ERC1: variants seen among roughly 807,000 people sequenced by gnomAD.
ERC1 encodes the protein ELKS/RAB6-interacting/CAST family member 1.
ERC1 carries 56 observed loss-of-function variants against 132.0 expected under a neutral mutation model. That is an observed-to-expected ratio of 0.42 (90% CI 0.34 to 0.53). ERC1 has a LOEUF of 0.53. ERC1 is among the 20% of genes least tolerant of loss of function. The pLI, the probability that ERC1 is intolerant of heterozygous loss-of-function variation, is 0.03. For missense variants in ERC1, 1,202 were observed against 1,349.9 expected (o/e 0.89, Z 1.72); for synonymous variants, 478 against 476.1 (o/e 1.00, Z -0.05).
intron 15 of ERC1, among the ~76,000 whole-genome samples, chr12:1,304,529 A>T (rs1184168450): frequency 2.0e-5 from 3 of 152,228 alleles, no homozygotes; most frequent in Admixed American, 2.0e-4. Flanking sequence ...GGCAAGATAC[A>T]TGAAAAACAG....
intron 17 of ERC1, among the ~76,000 whole-genome samples, chr12:1,439,338 C>T (rs1230310146): frequency 6.6e-6 from 1 of 152,178 alleles, no homozygotes; most frequent in Non-Finnish European, 1.5e-5. Flanking sequence ...AGTTATCCAA[C>T]CTCACTGAAG....
intron 15 of ERC1, among the ~76,000 whole-genome samples, chr12:1,291,970 T>G (rs1341212310): frequency 6.6e-6 from 1 of 152,164 alleles, no homozygotes; most frequent in Non-Finnish European, 1.5e-5. Context: ...ACTTTTATGT[T>G]AGCGTTTTTC....
intron 16 of ERC1, among the ~76,000 whole-genome samples, chr12:1,392,325 G>C (rs1414820327): frequency 6.6e-6 from 1 of 152,214 alleles, no homozygotes; most frequent in Non-Finnish European, 1.5e-5. Flanking sequence ...GGCCTCAAGG[G>C]TGGGGATTTA....
intron 15 of ERC1, among the ~76,000 whole-genome samples, chr12:1,360,709 A>C (rs972121891): frequency 6.6e-6 from 1 of 152,210 alleles, no homozygotes; most frequent in Non-Finnish European, 1.5e-5. Context: ...TCCCTGAAGA[A>C]TATATCTTTC....
intron 15 of ERC1, among the ~76,000 whole-genome samples, chr12:1,305,409 TA>T (rs2080802958): frequency 2.6e-5 from 4 of 152,204 alleles, no homozygotes. Flanking sequence ...TGACTTTCTT[TA>T]ACTTTATGCA....
chr12:1,044,282 TTTTG>T lies in ERC1; in HGVS notation c.669+15714_669+15717del, dbSNP rs1346906054. 2.6e-5 allele frequency among the ~76,000 whole-genome samples: 4 copies of T among 152,244 alleles called. No individual in the cohort carries two copies. In the East Asian group the frequency reaches 7.7e-4, roughly 29 times the overall value. Reference sequence around the variant, plus strand: ...GAGTCTTTCTTCTGAAATTACTTGATTTTGTTTTTGTCAGTTATCCTAGTGGAAT... The same window carrying T: ...GAGTCTTTCTTCTGAAATTACTTGATTTTTTGTCAGTTATCCTAGTGGAAT... On this transcript the variant is annotated intron_variant, in intron 2 of 18. Coordinates refer to ENST00000360905, the MANE Select transcript of ERC1 (RefSeq NM_178040.4).
chr12:1,440,350 G>T lies in ERC1; in HGVS notation c.3025-4212G>T, dbSNP rs540223711. On this transcript the variant is annotated intron_variant, in intron 17 of 18. Transcript: ENST00000360905. ...CTCCCGAGTAGCTGGGACTACAGACGCCCGCCACCACGCCCGGCTAATTTT... is the reference window on the plus strand; with the variant it reads ...CTCCCGAGTAGCTGGGACTACAGACTCCCGCCACCACGCCCGGCTAATTTT... Among the ~76,000 whole-genome samples the T allele has an allele frequency of 1.5e-4, 23 of 149,178 alleles. 1 individual carries two copies. The highest frequency in any genetic ancestry group is 5.5e-4 in the African/African-American group (22 of 40,144).
chr12:1,378,360 T>C (rs1189724300), intron 16 of ERC1, among the ~76,000 whole-genome samples: 2 of 152,214 alleles, frequency 1.3e-5, no homozygotes, highest in Admixed American at 6.5e-5. Context: ...TGAGTTGTTT[T>C]TGAACGAAGC....
At chr12:1,354,058 T>C (rs961167117) in intron 15 of ERC1, among the ~76,000 whole-genome samples, 6 of 150,638 alleles carry the variant, frequency 4.0e-5, no homozygotes, top group Non-Finnish European at 7.4e-5. Context: ...CCGCCTCTTA[T>C]CTTGGTGGTC....
intron 2 of ERC1, among the ~76,000 whole-genome samples, chr12:1,057,585 GTTTTTT>G (rs59761885): frequency 1.3e-4 from 6 of 47,696 alleles, no homozygotes; most frequent in African/African-American, 2.2e-4. Flanking sequence ...GATGCGCATG[GTTTTTT>G]TTTTTTTTTT....
intron 2 of ERC1, among the ~76,000 whole-genome samples, chr12:1,078,790 A>G (rs1941732753): frequency 6.6e-6 from 1 of 152,190 alleles, no homozygotes; most frequent in Admixed American, 6.5e-5. Context: ...ATATACAAAG[A>G]CACAGATAGA....
chr12:1,121,421 G>A (rs1947069850), intron 7 of ERC1, among the ~76,000 whole-genome samples: 1 of 152,214 alleles, frequency 6.6e-6, no homozygotes, highest in Non-Finnish European at 1.5e-5. Flanking sequence ...AAGAAAGATG[G>A]GGAGAAGAAG....
chr12:1,211,998 A>AG (rs11446570), intron 12 of ERC1, among the ~76,000 whole-genome samples: 53,936 of 151,956 alleles, frequency 0.35, 10,692 homozygotes, highest in African/African-American at 0.53. Context: ...TTGATGCAAC[A>AG]GTAGAGTAAG....
chr12:1,340,710 G>A (rs754039839), intron 15 of ERC1, among the ~76,000 whole-genome samples: 3 of 152,092 alleles, frequency 2.0e-5, no homozygotes, highest in Non-Finnish European at 4.4e-5. Context: ...CAGTCAGCTC[G>A]GTTTCTCGCT....
At chr12:1,359,377 T>G (rs1393413047) in intron 15 of ERC1, among the ~76,000 whole-genome samples, 1 of 152,160 alleles carries the variant, frequency 6.6e-6, no homozygotes, top group Admixed American at 6.5e-5. Context: ...CTTAGTTCAT[T>G]TTATTGCTGT....
At chr12:1,243,903 C>G (rs943923573) in intron 13 of ERC1, among the ~76,000 whole-genome samples, 1 of 152,142 alleles carries the variant, frequency 6.6e-6, no homozygotes, top group African/African-American at 2.4e-5. Flanking sequence ...GCTTTGGAAA[C>G]CTAATACGTA....
At chr12:1,456,274 G>A (rs1013481268) in intron 18 of ERC1, among the ~76,000 whole-genome samples, 10 of 152,212 alleles carry the variant, frequency 6.6e-5, no homozygotes, top group Non-Finnish European at 1.2e-4. Flanking sequence ...CAGATAGTCT[G>A]ATTAAATAGA....
intron 2 of ERC1, among the ~76,000 whole-genome samples, chr12:1,053,655 G>C (rs570895131): frequency 1.5e-4 from 23 of 152,166 alleles, no homozygotes; most frequent in Admixed American, 3.9e-4. Flanking sequence ...AGTCTTTCTA[G>C]ACTCTTCTAT....
At chr12:1,141,303 C>T (rs1949842091) in intron 7 of ERC1, among the ~76,000 whole-genome samples, 1 of 152,046 alleles carries the variant, frequency 6.6e-6, no homozygotes, top group Non-Finnish European at 1.5e-5. Context: ...TTTTCTAAAG[C>T]AATGTAGCTT....
Sources: gnomAD v4.1 joint callset for allele counts (sites outside exome capture counted in the v4.1 genomes callset) on GRCh38, gnomAD v4.1.1 for gene constraint, MANE v1.5 for transcripts, NCBI Gene and HGNC (gene_info 2026-07-23, HGNC 2026-07-21) for gene names.